EEIG2: variants seen among roughly 807,000 people sequenced by gnomAD.
The protein encoded by EEIG2 is family with sequence similarity 102 member B.
chr1:108,637,385 T>G, the EEIG2 span: 4 of 152,122 alleles, frequency 2.6e-5, no homozygotes, highest in African/African-American at 4.8e-5. Context: ...TTCAGTGCAG[T>G]CCTTTCAAAA....
the EEIG2 span, among the ~76,000 whole-genome samples, chr1:108,573,696 C>A: frequency 6.6e-6 from 1 of 152,076 alleles, no homozygotes; most frequent in Non-Finnish European, 1.5e-5. Context: ...CACCAAACAA[C>A]CCAGTAAAAA....
At chr1:108,585,130 G>GT in the EEIG2 span, among the ~76,000 whole-genome samples, 1 of 152,124 alleles carries the variant, frequency 6.6e-6, no homozygotes, top group African/African-American at 2.4e-5. Flanking sequence ...CTAATCAAGT[G>GT]TAAGCCTTCC....
chr1:108,630,409 A>T, the EEIG2 span, among the ~76,000 whole-genome samples: 3 of 151,920 alleles, frequency 2.0e-5, no homozygotes, highest in African/African-American at 7.3e-5. Flanking sequence ...GGAACATCAC[A>T]CACCACGGCC....
At chr1:108,639,269 AATGTTTGTAAT>A in the EEIG2 span, 207 of 151,440 alleles carry the variant, frequency 1.4e-3, 1 homozygote, top group African/African-American at 4.6e-3. Context: ...TTATTTGTAA[AATGTTTGTAAT>A]AATGTAAAGG....
At chr1:108,604,148 A>G in the EEIG2 span, among the ~76,000 whole-genome samples, 1 of 152,252 alleles carries the variant, frequency 6.6e-6, no homozygotes, top group African/African-American at 2.4e-5. Flanking sequence ...TTAAATGACA[A>G]GACCAGCCTG....
the EEIG2 span, among the ~76,000 whole-genome samples, chr1:108,592,567 C>T: frequency 6.6e-6 from 1 of 152,192 alleles, no homozygotes; most frequent in East Asian, 1.9e-4. Flanking sequence ...TCTATGTGTT[C>T]GGATAGGGGC....
At chr1:108,613,076 A>G in the EEIG2 span, among the ~76,000 whole-genome samples, 1 of 152,232 alleles carries the variant, frequency 6.6e-6, no homozygotes, top group Non-Finnish European at 1.5e-5. Context: ...CAATGCATAA[A>G]GTGGTTTTTG....
At chr1:108,572,395 C>T in the EEIG2 span, among the ~76,000 whole-genome samples, 1 of 152,054 alleles carries the variant, frequency 6.6e-6, no homozygotes, top group Admixed American at 6.6e-5. Context: ...ACATTTTTGC[C>T]AGTAGAGAAC....
chr1:108,571,412 G>T, the EEIG2 span, among the ~76,000 whole-genome samples: 1 of 152,102 alleles, frequency 6.6e-6, no homozygotes, highest in South Asian at 2.1e-4. Context: ...GAGTATGAGG[G>T]TTTGTTTAAT....
the EEIG2 span, chr1:108,616,333 A>G: frequency 2.5e-6 from 3 of 1,193,182 alleles, no homozygotes; most frequent in East Asian, 2.4e-5. Flanking sequence ...CTGTGAAGGA[A>G]GCATTTTATA....
chr1:108,633,391 C>T, the EEIG2 span, among the ~76,000 whole-genome samples: 1 of 152,080 alleles, frequency 6.6e-6, no homozygotes, highest in African/African-American at 2.4e-5. Context: ...TGCACTCAAG[C>T]GAACCTCCTG....
the EEIG2 span, chr1:108,635,871 A>G: frequency 6.6e-6 from 1 of 152,262 alleles, no homozygotes; most frequent in Non-Finnish European, 1.5e-5. Context: ...ACTACATAAA[A>G]GACTCAAAAT....
At chr1:108,564,838 T>C in the EEIG2 span, among the ~76,000 whole-genome samples, 1 of 151,900 alleles carries the variant, frequency 6.6e-6, no homozygotes, top group Non-Finnish European at 1.5e-5. Context: ...TGCCAGCTAC[T>C]CAGGAGGCTG....
chr1:108,584,749 A>G, the EEIG2 span, among the ~76,000 whole-genome samples: 1 of 152,144 alleles, frequency 6.6e-6, no homozygotes, highest in African/African-American at 2.4e-5. Flanking sequence ...TTGTTAAAGT[A>G]TCACGTCTGT....
chr1:108,613,208 C>T, the EEIG2 span, among the ~76,000 whole-genome samples: 2 of 152,186 alleles, frequency 1.3e-5, no homozygotes, highest in African/African-American at 4.8e-5. Context: ...CTTCTGTACA[C>T]ATCATGTTGA....
chr1:108,608,557 TCTTC>T, the EEIG2 span, among the ~76,000 whole-genome samples: 1 of 152,250 alleles, frequency 6.6e-6, no homozygotes. Context: ...ACTTTCTGGT[TCTTC>T]ACTAGAATGT....
the EEIG2 span, chr1:108,625,622 C>T: frequency 1.3e-5 from 2 of 152,018 alleles, no homozygotes; most frequent in Admixed American, 1.3e-4. Flanking sequence ...TTTCTTTCTC[C>T]TACTGAAAAA....
At chr1:108,560,649 C>G in the EEIG2 span, 8 of 1,485,902 alleles carry the variant, frequency 5.4e-6, no homozygotes, top group African/African-American at 1.4e-5. Context: ...GGCCCATTTG[C>G]TCGCCTTTCC....
the EEIG2 span, among the ~76,000 whole-genome samples, chr1:108,577,105 G>A: frequency 7.8e-6 from 1 of 127,494 alleles, no homozygotes; most frequent in Non-Finnish European, 1.7e-5. Flanking sequence ...CTTTTGAGAA[G>A]TGTCTGTTCA....
Sources: gnomAD v4.1 joint callset for allele counts (sites outside exome capture counted in the v4.1 genomes callset) on GRCh38, gnomAD v4.1.1 for gene constraint, MANE v1.5 for transcripts, NCBI Gene and HGNC (gene_info 2026-07-23, HGNC 2026-07-21) for gene names.